Variants in DNAAF5 observed in about 807,000 individuals in gnomAD.
The protein encoded by DNAAF5 is HEAT repeat containing 2.
Under a neutral mutation model 75.8 loss-of-function variants are expected in DNAAF5, and 64 were observed. That is an observed-to-expected ratio of 0.84 (90% CI 0.69 to 1.04). DNAAF5 has a LOEUF of 1.04. DNAAF5 is among the 50% of genes least tolerant of loss of function. DNAAF5 has a pLI of 0.00. For synonymous variants in DNAAF5, 657 were observed against 557.2 expected, an observed-to-expected ratio of 1.18 and a Z score of -2.52; for missense variants, 1,269 against 1,178.5, an observed-to-expected ratio of 1.08 and a Z score of -1.12.
At chr7:739,698 C>T (rs1258113037) in intron 2 of DNAAF5, among the ~76,000 whole-genome samples, 2 of 152,180 alleles carry the variant, frequency 1.3e-5, no homozygotes, top group South Asian at 4.1e-4. Context: ...AGTGACGAGC[C>T]CTGTCAGTCA....
At chr7:759,336 C>T (rs961294374) in intron 6 of DNAAF5, among the ~76,000 whole-genome samples, 5 of 152,202 alleles carry the variant, frequency 3.3e-5, no homozygotes, top group African/African-American at 1.2e-4. Flanking sequence ...TTCCAGGTGT[C>T]TCGGGCCCAG....
chr7:732,532 C>G, intron 2 of DNAAF5: 1 of 456,046 alleles, frequency 2.2e-6, no homozygotes, highest in Non-Finnish European at 4.4e-6. Context: ...AGAGACCTTC[C>G]GGGAGCAACA....
chr7:733,082 T>C (rs1393011605), intron 2 of DNAAF5, among the ~76,000 whole-genome samples: 1 of 152,224 alleles, frequency 6.6e-6, no homozygotes, highest in East Asian at 1.9e-4. Context: ...CAAAATAAGT[T>C]CACTGTAAAT....
intron 10 of DNAAF5, among the ~76,000 whole-genome samples, chr7:774,805 G>T (rs1778703202): frequency 6.6e-6 from 1 of 152,218 alleles, no homozygotes; most frequent in Non-Finnish European, 1.5e-5. Flanking sequence ...GTTGTGAACA[G>T]TGTGCGTATT....
intron 2 of DNAAF5, among the ~76,000 whole-genome samples, chr7:733,232 TTTG>T (rs1781638613): frequency 6.6e-6 from 1 of 152,198 alleles, no homozygotes; most frequent in African/African-American, 2.4e-5. Flanking sequence ...CAGTTTTTTG[TTTG>T]TTTTTGTCTT....
intron 4 of DNAAF5, among the ~76,000 whole-genome samples, chr7:742,427 ACATGCCCAGCTCAAATCAAT>A (rs1781939185): frequency 9.6e-6 from 1 of 104,330 alleles, no homozygotes; most frequent in Non-Finnish European, 2.0e-5. Flanking sequence ...AGCTCAAATC[ACATGCCCAGCTCAAATCAAT>A]CATGCCCAGC....
intron 6 of DNAAF5, among the ~76,000 whole-genome samples, chr7:759,371 G>T (rs369200609): frequency 6.6e-6 from 1 of 152,146 alleles, no homozygotes; most frequent in Non-Finnish European, 1.5e-5. Context: ...CTCGACAGAC[G>T]GGAACTGGAG....
rs760978971 is a variant in DNAAF5, at chr7:729,636, G to A, written c.596-27G>A. The A allele has an allele frequency of 2.5e-6, 4 of 1,604,656 alleles. No homozygotes were observed. The Middle Eastern group carries it at 5.5e-4, about 219-fold the overall frequency. Reference sequence around the variant, plus strand: ...GGCGAGGCGTGTGGGAGCAGCTCTGGTAACTGGGGGCCTCCCTGTCCCTCA... The same window carrying A: ...GGCGAGGCGTGTGGGAGCAGCTCTGATAACTGGGGGCCTCCCTGTCCCTCA... On this transcript the variant is annotated intron_variant, in intron 1 of 12. Transcript: ENST00000297440.
chr7:770,340 G>C, intron 8 of DNAAF5, 131 bp from the exon 9 acceptor site: 2 of 717,338 alleles, frequency 2.8e-6, no homozygotes, highest in Non-Finnish European at 4.5e-6. Flanking sequence ...GATTGAGAAA[G>C]AGGAAGCGGG....
At chr7:762,381 G>A (rs1782687196) in intron 7 of DNAAF5, among the ~76,000 whole-genome samples, 1 of 151,968 alleles carries the variant, frequency 6.6e-6, no homozygotes, top group Non-Finnish European at 1.5e-5. Flanking sequence ...CAGCTACTCA[G>A]GAGGCTGAGG....
intron 12 of DNAAF5, among the ~76,000 whole-genome samples, chr7:782,306 G>A (rs1006138768): frequency 5.3e-5 from 8 of 151,090 alleles, no homozygotes; most frequent in African/African-American, 2.0e-4. Context: ...TCTTCCTGGC[G>A]TGGCCGCCTC....
At chr7:767,892 G>A (rs564725506) in intron 8 of DNAAF5, among the ~76,000 whole-genome samples, 1 of 148,436 alleles carries the variant, frequency 6.7e-6, no homozygotes, top group Admixed American at 6.7e-5. Context: ...TCCGGTGGAA[G>A]TGTCCCTGCT....
At chr7:729,583 A>G in intron 1 of DNAAF5, 80 bp from the exon 2 acceptor site, 1 of 1,389,690 alleles carries the variant, frequency 7.2e-7, no homozygotes. Context: ...ATAGGCAGGC[A>G]GCCGTCCTCT....
chr7:779,874 G>A (rs566423362), intron 11 of DNAAF5, 79 bp from the exon 12 acceptor site: 36 of 1,270,190 alleles, frequency 2.8e-5, no homozygotes, highest in Admixed American at 2.0e-4. Flanking sequence ...ATGGGAGTAT[G>A]AACTAAATGC....
intron 8 of DNAAF5, among the ~76,000 whole-genome samples, chr7:764,521 A>G (rs1458518034): frequency 6.6e-6 from 1 of 152,140 alleles, no homozygotes; most frequent in African/African-American, 2.4e-5. Context: ...GCGCTGCTCC[A>G]CGGGCCGTGA....
chr7:767,073 A>G (rs1344191250), intron 8 of DNAAF5, among the ~76,000 whole-genome samples: 2 of 152,024 alleles, frequency 1.3e-5, no homozygotes, highest in Admixed American at 1.3e-4. Context: ...CCCCGTCTCT[A>G]CTAAAAATAC....
In DNAAF5 at chr7:783,778, C is replaced by G. The variant is rs370309593; in HGVS notation, c.2432-1739C>G. Among the ~76,000 whole-genome samples, 14 of 152,246 alleles carry G rather than the reference C, an allele frequency of 9.2e-5. No homozygotes were observed. In the South Asian group the frequency reaches 2.5e-3, roughly 27 times the overall value. On this transcript the variant is annotated intron_variant, in intron 12 of 12. Coordinates refer to ENST00000297440, the MANE Select transcript of DNAAF5 (RefSeq NM_017802.4). The stretch of plus-strand genomic sequence containing the variant: ...CCTGCGCCCTCCCAGCTCTCCTGTC[C>G]TGCACTACACACCATCAACCCGAGT...
intron 5 of DNAAF5, 86 bp from the exon 6 acceptor site, chr7:756,696 G>T (rs1782495300): frequency 8.1e-7 from 1 of 1,240,794 alleles, no homozygotes; most frequent in Non-Finnish European, 1.2e-6. Flanking sequence ...GCACGGCTGT[G>T]TCTGGGAGGC....
At chr7:780,826 C>CTTTTTTTTTTTTTTTTTTT (rs201445917) in intron 12 of DNAAF5, among the ~76,000 whole-genome samples, 1 of 131,268 alleles carries the variant, frequency 7.6e-6, no homozygotes, top group African/African-American at 2.8e-5. Context: ...TTTTTTTTTT[C>CTTTTTTTTTTTTTTTTTTT]TTTTTTTTTT....
Sources: gnomAD v4.1 joint callset for allele counts (sites outside exome capture counted in the v4.1 genomes callset) on GRCh38, gnomAD v4.1.1 for gene constraint, MANE v1.5 for transcripts, NCBI Gene and HGNC (gene_info 2026-07-23, HGNC 2026-07-21) for gene names.